Variants in SYNDIG1 observed in about 807,000 individuals in gnomAD.
SYNDIG1 encodes the protein synapse differentiation-inducing gene protein 1.
Under a neutral mutation model 19.4 loss-of-function variants are expected in SYNDIG1, and 9 were observed. The observed-to-expected ratio is 0.46, with a 90% CI of 0.28 to 0.81. The LOEUF is 0.81. Ranked by LOEUF, SYNDIG1 falls within the 30% of genes least tolerant of loss-of-function variation. SYNDIG1 has a pLI of 0.12. For synonymous variants in SYNDIG1, 141 were observed against 145.9 expected (o/e 0.97, Z 0.24); for missense variants, 311 against 343.3 (o/e 0.91, Z 0.74).
chr20:24,555,117 G>T (rs2146827461), intron 2 of SYNDIG1, among the ~76,000 whole-genome samples: 1 of 152,166 alleles, frequency 6.6e-6, no homozygotes, highest in East Asian at 1.9e-4. Context: ...ATTCTCTGAT[G>T]GTAGTTTGTA....
intron 2 of SYNDIG1, among the ~76,000 whole-genome samples, chr20:24,564,163 G>GATGATAAAC: frequency 6.6e-6 from 1 of 152,238 alleles, no homozygotes; most frequent in East Asian, 1.9e-4. Flanking sequence ...GGAAAAAAGT[G>GATGATAAAC]ATGATAAACA....
In SYNDIG1 at chr20:24,526,639, T is replaced by C. The variant is rs772369277; in HGVS notation, c.-78-16381T>C. ...ATGTTTGTTTGGATTTATAAGTATG[T>C]CGTGAGTTTGTGTGCTCATAAGTCC... is the stretch of plus-strand genomic sequence containing the variant. On this transcript the variant is annotated intron_variant, in intron 1 of 3. Transcript: ENST00000376862. 2.6e-5 allele frequency among the ~76,000 whole-genome samples: 4 copies of C among 152,292 alleles called. No homozygotes were observed. In the East Asian group the frequency reaches 7.7e-4, roughly 29 times the overall value.
chr20:24,580,859 C>T (rs1316693229), intron 2 of SYNDIG1, among the ~76,000 whole-genome samples: 1 of 152,158 alleles, frequency 6.6e-6, no homozygotes, highest in Non-Finnish European at 1.5e-5. Flanking sequence ...TAAATCTTTG[C>T]TTCTTGGGGA....
intron 1 of SYNDIG1, among the ~76,000 whole-genome samples, chr20:24,540,242 G>A (rs1485747933): frequency 6.6e-6 from 1 of 152,122 alleles, no homozygotes; most frequent in African/African-American, 2.4e-5. Context: ...CTGATTTTTT[G>A]TGTATTAACT....
chr20:24,473,884 A>C (rs2055543013), intron 1 of SYNDIG1, among the ~76,000 whole-genome samples: 2 of 152,228 alleles, frequency 1.3e-5, no homozygotes, highest in African/African-American at 2.4e-5. Flanking sequence ...ATATGGTTGA[A>C]AAGAAATGGT....
At chr20:24,634,637 AT>A (rs912984794) in intron 3 of SYNDIG1, among the ~76,000 whole-genome samples, 6 of 151,938 alleles carry the variant, frequency 3.9e-5, no homozygotes, top group East Asian at 3.9e-4. Context: ...TATGTGTGTT[AT>A]TTTTTTTCCT....
At chr20:24,606,676 G>C (rs972684178) in intron 3 of SYNDIG1, among the ~76,000 whole-genome samples, 1 of 152,186 alleles carries the variant, frequency 6.6e-6, no homozygotes, top group African/African-American at 2.4e-5. Flanking sequence ...TAGAGATCCG[G>C]AGTTTAGATT....
chr20:24,538,967 G>C (rs183680528), intron 1 of SYNDIG1, among the ~76,000 whole-genome samples: 13 of 152,108 alleles, frequency 8.5e-5, no homozygotes, highest in Non-Finnish European at 1.8e-4. Context: ...TTGTTGTTGA[G>C]TTTTAACCAT....
intron 3 of SYNDIG1, among the ~76,000 whole-genome samples, chr20:24,646,611 A>G (rs990922077): frequency 6.6e-6 from 1 of 151,812 alleles, no homozygotes; most frequent in Non-Finnish European, 1.5e-5. Flanking sequence ...TCCTCACCAT[A>G]TGCAGATGCT....
At chr20:24,496,876 G>A (rs1189265222) in intron 1 of SYNDIG1, among the ~76,000 whole-genome samples, 3 of 152,016 alleles carry the variant, frequency 2.0e-5, no homozygotes, top group Non-Finnish European at 4.4e-5. Context: ...TTTCTTTAGT[G>A]ATGTAATTTT....
intron 1 of SYNDIG1, among the ~76,000 whole-genome samples, chr20:24,477,723 T>C (rs1006869393): frequency 1.3e-5 from 2 of 152,170 alleles, no homozygotes; most frequent in Non-Finnish European, 1.5e-5. Context: ...CTGTACATTA[T>C]GCAGAAGGCC....
intron 1 of SYNDIG1, among the ~76,000 whole-genome samples, chr20:24,505,965 C>A (rs1387919807): frequency 1.3e-5 from 2 of 152,218 alleles, no homozygotes; most frequent in African/African-American, 2.4e-5. Context: ...GAAATGGTTT[C>A]TTTGTAACTG....
intron 2 of SYNDIG1, among the ~76,000 whole-genome samples, chr20:24,564,573 G>T (rs376093967): frequency 6.6e-6 from 1 of 152,078 alleles, no homozygotes; most frequent in African/African-American, 2.4e-5. Flanking sequence ...AAAGAGGTGC[G>T]TTATTTGTTG....
chr20:24,491,574 C>T (rs2056148730), intron 1 of SYNDIG1: 1 of 152,294 alleles, frequency 6.6e-6, no homozygotes, highest in Admixed American at 6.5e-5. Context: ...AGACCCAGGA[C>T]AAGGTCCGTC....
chr20:24,549,311 A>G (rs1046874245), intron 2 of SYNDIG1, among the ~76,000 whole-genome samples: 4 of 152,094 alleles, frequency 2.6e-5, no homozygotes, highest in African/African-American at 9.7e-5. Context: ...GGAACATGCA[A>G]TGCTTAACTT....
chr20:24,635,682 T>C (rs2059308098), intron 3 of SYNDIG1, among the ~76,000 whole-genome samples: 1 of 152,226 alleles, frequency 6.6e-6, no homozygotes, highest in South Asian at 2.1e-4. Context: ...CGTAGTTTTG[T>C]AACAGTGCAG....
intron 3 of SYNDIG1, among the ~76,000 whole-genome samples, chr20:24,628,491 G>A (rs757178853): frequency 4.6e-5 from 7 of 152,242 alleles, no homozygotes; most frequent in Non-Finnish European, 1.0e-4. Flanking sequence ...TCCAAGTGAA[G>A]AAGGTCACTA....
chr20:24,573,018 G>A (rs891670139), intron 2 of SYNDIG1, among the ~76,000 whole-genome samples: 11 of 152,044 alleles, frequency 7.2e-5, no homozygotes, highest in African/African-American at 1.9e-4. Flanking sequence ...CCCAGCCCCC[G>A]TCCTGACCCA....
Position 24,545,261 on chromosome 20 carries a change from G to T in SYNDIG1, c.480+1684G>T, listed in dbSNP as rs150141685. ...TCGTGGCATGGAAGAGGACCAAGACGTGATGCCTGGGCATCTGCGCAGGCC... is the reference window on the plus strand; with the variant it reads ...TCGTGGCATGGAAGAGGACCAAGACTTGATGCCTGGGCATCTGCGCAGGCC... On this transcript the variant is annotated intron_variant, in intron 2 of 3. Coordinates refer to ENST00000376862, the MANE Select transcript of SYNDIG1 (RefSeq NM_024893.3). Among the ~76,000 whole-genome samples, 141 of 152,290 alleles carry T rather than the reference G, an allele frequency of 9.3e-4. 2 individuals carry two copies. The East Asian group carries it at 0.026, about 28-fold the overall frequency.
Sources: gnomAD v4.1 joint callset for allele counts (sites outside exome capture counted in the v4.1 genomes callset) on GRCh38, gnomAD v4.1.1 for gene constraint, MANE v1.5 for transcripts, NCBI Gene and HGNC (gene_info 2026-07-23, HGNC 2026-07-21) for gene names.